Variants in GPBP1L1 observed in about 807,000 individuals in gnomAD.
GPBP1L1 encodes GC-rich promoter binding protein 1 like 1, also known as vasculin-like protein 1.
A neutral mutation model predicts 52.5 loss-of-function variants in GPBP1L1; 23 were observed. The observed-to-expected ratio is 0.44, with a 90% confidence interval of 0.32 to 0.62. The LOEUF is 0.62. Among genes scored for constraint, GPBP1L1 ranks in the 20% least tolerant of loss-of-function variants. The pLI is 0.06. For missense variants in GPBP1L1, 596 were observed against 579.3 expected (o/e 1.03, Z -0.30); for synonymous variants, 243 against 203.1 (o/e 1.20, Z -1.67).
rs1440704720 is a variant in GPBP1L1, at chr1:45,627,351, C to T, written c.*905G>A. The T allele has an allele frequency of 2.0e-5, 3 of 150,284 alleles. No homozygotes were observed. In the Admixed American group the frequency reaches 2.0e-4, roughly 10 times the overall value. The allele number at this position is 150,284 out of a possible 1,614,324, so 9.3% of individuals were successfully genotyped here. A position where few individuals can be genotyped will look rare whatever the true frequency, so the allele number is the denominator to read the frequency against. On this transcript the variant is annotated 3_prime_UTR_variant, in exon 13 of 13. Transcript: ENST00000355105. ...GTAATTTATTGCACAGGTTTTTCTG[C>T]ATCAAAAAAGTATCTGCTAAAATAG...
intron 6 of GPBP1L1, among the ~76,000 whole-genome samples, chr1:45,649,671 AT>A (rs1290337105): frequency 2.0e-5 from 3 of 152,156 alleles, no homozygotes; most frequent in Admixed American, 1.3e-4. Context: ...TAATTTTAAT[AT>A]TTTTTAATAC....
intron 8 of GPBP1L1, among the ~76,000 whole-genome samples, chr1:45,639,135 A>G (rs1045963954): frequency 6.6e-6 from 1 of 152,250 alleles, no homozygotes; most frequent in African/African-American, 2.4e-5. Flanking sequence ...ATAGAAAAAA[A>G]TTACCAATCC....
chr1:45,652,258 A>C (rs1037406754), intron 6 of GPBP1L1, among the ~76,000 whole-genome samples: 1 of 152,260 alleles, frequency 6.6e-6, no homozygotes, highest in Non-Finnish European at 1.5e-5. Context: ...TCATGATTCA[A>C]CACATGTAAA....
In GPBP1L1 at chr1:45,654,575, C is replaced by T; in HGVS notation, c.445G>A (p.Val149Met). The T allele has an allele frequency of 1.2e-6, 2 of 1,612,498 alleles. No homozygotes were observed. Residue 149 changes from valine (V) to methionine (M), a missense_variant, in exon 6 of 13, where the codon GTG becomes ATG. By Grantham distance (21) the Val-to-Met change is conservative. Coordinates refer to ENST00000355105, the MANE Select transcript of GPBP1L1 (RefSeq NM_021639.5). ...TCCTCTTCAAACTGCAACTTTTCCA[C>T]CTTGTCTTCTTTCTTTTCTTCCCTA... is the stretch of plus-strand genomic sequence containing the variant. ...EIREEKKEDK[V>M]EKLQFEEEDF... is the part of the protein sequence containing the mutation.
chr1:45,677,043 TA>T (rs747871722), intron 2 of GPBP1L1, among the ~76,000 whole-genome samples: 25 of 138,744 alleles, frequency 1.8e-4, no homozygotes, highest in East Asian at 2.1e-4. Context: ...AAAACAAAGC[TA>T]AAAAAAAAAG....
At position 45,655,777 on chromosome 1, in the gene GPBP1L1, TA is replaced by T. The variant is rs959624293; in HGVS notation, c.61-459del. ...AGGTCAGTAGTAATTACAGAACTTT[TA>T]AAAAAAAAAAAGAGATGAAGTCTCA... On this transcript the variant is annotated intron_variant, in intron 4 of 12. Coordinates refer to ENST00000355105, the MANE Select transcript of GPBP1L1 (RefSeq NM_021639.5). 4.8e-3 allele frequency: 707 copies of T among 146,062 alleles called. 2 individuals carry two copies. Among genetic ancestry groups the T allele is most frequent in the African/African-American group, 9.3e-3 (370 of 39,774 alleles). 9.0% of individuals were successfully genotyped at this position (146,062 alleles called of 1,614,324 possible).
At chr1:45,644,881 G>A (rs1272424155) in intron 6 of GPBP1L1, among the ~76,000 whole-genome samples, 1 of 152,122 alleles carries the variant, frequency 6.6e-6, no homozygotes, top group Non-Finnish European at 1.5e-5. Context: ...TCCATAAATA[G>A]GAACTTCCCC....
chr1:45,684,411 TTG>T (rs1645254304), intron 2 of GPBP1L1, among the ~76,000 whole-genome samples: 2 of 152,090 alleles, frequency 1.3e-5, no homozygotes, highest in African/African-American at 4.8e-5. Flanking sequence ...TGATTCACGA[TTG>T]TGTCTTATCT....
chr1:45,674,780 C>T (rs969427516), intron 2 of GPBP1L1, among the ~76,000 whole-genome samples: 3 of 152,174 alleles, frequency 2.0e-5, no homozygotes, highest in Admixed American at 1.3e-4. Context: ...ATTCTGAAAA[C>T]GTGTAAGGTA....
At chr1:45,672,867 GA>G (rs1221266807) in intron 2 of GPBP1L1, among the ~76,000 whole-genome samples, 2 of 152,218 alleles carry the variant, frequency 1.3e-5, no homozygotes, top group Admixed American at 1.3e-4. Context: ...GATTCACATG[GA>G]AGTGTCAGTG....
chr1:45,628,428 G>C lies in GPBP1L1; in HGVS notation c.1273-20C>G, dbSNP rs750537939. 3 of 1,605,988 alleles carry C rather than the reference G, an allele frequency of 1.9e-6. No individual in the cohort carries two copies. Among genetic ancestry groups the C allele is most frequent in the Non-Finnish European group, 1.7e-6 (2 of 1,177,558 alleles). On this transcript the variant is annotated intron_variant, in intron 12 of 12. Transcript: ENST00000355105. Reference sequence around the variant, plus strand: ...TCTCAGCTATGGTTAGCATGGGAGAGAAAGAAAAAAGAAAAAAATATCAAT... The same window carrying C: ...TCTCAGCTATGGTTAGCATGGGAGACAAAGAAAAAAGAAAAAAATATCAAT...
At chr1:45,669,048 A>C (rs1645043442) in intron 2 of GPBP1L1, among the ~76,000 whole-genome samples, 1 of 152,244 alleles carries the variant, frequency 6.6e-6, no homozygotes, top group African/African-American at 2.4e-5. Flanking sequence ...TGTCAAAAGC[A>C]TAATTTTGAG....
chr1:45,654,343 A>C (rs1303616739), intron 6 of GPBP1L1, 200 bp downstream of exon 6: 7 of 453,916 alleles, frequency 1.5e-5, no homozygotes, highest in Non-Finnish European at 2.7e-5. Flanking sequence ...AAGATGAAAA[A>C]TTTGCTACAA....
chr1:45,670,647 A>G (rs959980914), intron 2 of GPBP1L1, among the ~76,000 whole-genome samples: 8 of 152,092 alleles, frequency 5.3e-5, no homozygotes, highest in Non-Finnish European at 1.2e-4. Context: ...ATATGAAAAA[A>G]AAACTGTCCC....
At chr1:45,679,882 T>G (rs1383759612) in intron 2 of GPBP1L1, among the ~76,000 whole-genome samples, 1 of 120,294 alleles carries the variant, frequency 8.3e-6, no homozygotes, top group Non-Finnish European at 1.7e-5. Flanking sequence ...TGAGAGACTC[T>G]TATCTATACA....
chr1:45,656,599 C>T (rs1644887379), intron 4 of GPBP1L1, among the ~76,000 whole-genome samples: 1 of 151,966 alleles, frequency 6.6e-6, no homozygotes, highest in African/African-American at 2.4e-5. Context: ...CTCAAAAACA[C>T]AACACTATCA....
chr1:45,639,916 A>G (rs1644648745), intron 8 of GPBP1L1, among the ~76,000 whole-genome samples: 1 of 151,730 alleles, frequency 6.6e-6, no homozygotes. Flanking sequence ...ATAAATAAAA[A>G]AAATAGCCGG....
rs552938453 is a variant in GPBP1L1, at chr1:45,633,514, T to A, written c.1019A>T (p.Asn340Ile). ...ATCTTCCAGCTTGTCACAGTCTCTA[T>A]TCTCTGAGAAGTCTCCATTCCGGTC... is the stretch of plus-strand genomic sequence containing the variant. ...KDDRNGDFSE[N>I]RDCDKLEDLE... is the part of the protein sequence containing the mutation. The change falls in exon 10 of 13, where the codon AAT becomes ATT. Residue 340 changes from asparagine to isoleucine, a missense_variant. Coordinates refer to ENST00000355105, the MANE Select transcript of GPBP1L1 (RefSeq NM_021639.5). 6.2e-7 allele frequency: 1 copy of A among 1,614,042 alleles called. No homozygotes were observed. Among genetic ancestry groups the A allele is most frequent in the East Asian group, 2.2e-5 (1 of 44,886 alleles).
chr1:45,642,602 T>C lies in GPBP1L1; in HGVS notation c.478-103A>G, dbSNP rs901890720. On this transcript the variant is annotated intron_variant, in intron 6 of 12. Coordinates refer to ENST00000355105, the MANE Select transcript of GPBP1L1 (RefSeq NM_021639.5). ...GGAACCTATCAAATAATTACATATT[T>C]TACATATTAGCAACACTTACTAATT... 7.5e-6 allele frequency: 6 copies of C among 796,288 alleles called. No individual in the cohort carries two copies. In the African/African-American group the frequency reaches 1.0e-4, roughly 14 times the overall value. 49.3% of individuals were successfully genotyped at this position (796,288 alleles called of 1,614,324 possible).
Sources: gnomAD v4.1 joint callset for allele counts (sites outside exome capture counted in the v4.1 genomes callset) on GRCh38, gnomAD v4.1.1 for gene constraint, MANE v1.5 for transcripts, NCBI Gene and HGNC (gene_info 2026-07-23, HGNC 2026-07-21) for gene names.